Variants in RELL1 observed in about 807,000 individuals in gnomAD.
RELL1 encodes the protein RELT-like protein 1.
A neutral mutation model predicts 23.0 loss-of-function variants in RELL1; 10 were observed. The ratio of observed to expected loss-of-function variants is 0.43; its 90% CI spans 0.27 to 0.74. RELL1 has a LOEUF of 0.74. Ranked by LOEUF, RELL1 falls within the 30% of genes least tolerant of loss-of-function variation. The pLI is 0.19. For missense variants in RELL1, 315 were observed against 364.4 expected (o/e 0.86, Z 1.10); for synonymous variants, 146 against 146.8 (o/e 0.99, Z 0.04).
intron 6 of RELL1, among the ~76,000 whole-genome samples, chr4:37,601,042 G>A (rs1408730567): frequency 6.6e-6 from 1 of 152,152 alleles, no homozygotes; most frequent in African/African-American, 2.4e-5. Context: ...AACAAACAGA[G>A]GAAGAGACCA....
rs1261066740 is a variant in RELL1 at position 37,612,250 on chromosome 4, T to TTG, written c.*1094_*1095dup. ...TTGGCCTTGGGTTGTCCAAACAAAT[T>TTG]TGTGTGTGTGTGACTTTCAACCATT... On this transcript the variant is annotated 3_prime_UTR_variant, in exon 7 of 7. Transcript: ENST00000454158. 6.7e-6 allele frequency among the ~76,000 whole-genome samples: 1 copy of TTG among 149,070 alleles called. No individual in the cohort carries two copies. Among genetic ancestry groups the TTG allele is most frequent in the African/African-American group, 2.5e-5 (1 of 40,654 alleles).
chr4:37,656,412 G>A (rs912703609), intron 1 of RELL1, among the ~76,000 whole-genome samples: 2 of 152,146 alleles, frequency 1.3e-5, no homozygotes, highest in Admixed American at 6.5e-5. Context: ...TCAGTTACAC[G>A]AGATTAATAA....
At chr4:37,621,833 A>C (rs1719779287) in intron 6 of RELL1, among the ~76,000 whole-genome samples, 2 of 152,242 alleles carry the variant, frequency 1.3e-5, no homozygotes, top group Non-Finnish European at 1.5e-5. Context: ...AAGCAAAACA[A>C]ATCAAAAATT....
chr4:37,670,991 T>C (rs987997943), intron 1 of RELL1, among the ~76,000 whole-genome samples: 1 of 152,248 alleles, frequency 6.6e-6, no homozygotes, highest in Non-Finnish European at 1.5e-5. Flanking sequence ...TTTTTCCCAA[T>C]AGGAAAGACT....
intron 4 of RELL1, among the ~76,000 whole-genome samples, chr4:37,636,307 G>A (rs1720325812): frequency 6.6e-6 from 1 of 152,122 alleles, no homozygotes; most frequent in Non-Finnish European, 1.5e-5. Flanking sequence ...ATAAAAAGCA[G>A]AAATATGGCC....
At chr4:37,657,366 G>A (rs1424101907) in intron 1 of RELL1, among the ~76,000 whole-genome samples, 3 of 152,172 alleles carry the variant, frequency 2.0e-5, no homozygotes, top group Non-Finnish European at 4.4e-5. Context: ...TTCTGAGCAA[G>A]CAAGGAGGGT....
chr4:37,660,012 A>G (rs1042166273), intron 1 of RELL1, among the ~76,000 whole-genome samples: 7 of 152,194 alleles, frequency 4.6e-5, no homozygotes, highest in Non-Finnish European at 1.0e-4. Flanking sequence ...AACTTGGCTG[A>G]TAAGTGGATA....
intron 1 of RELL1, among the ~76,000 whole-genome samples, chr4:37,683,427 T>A (rs928729482): frequency 6.6e-6 from 1 of 152,212 alleles, no homozygotes; most frequent in African/African-American, 2.4e-5. Flanking sequence ...TTACTGGAAG[T>A]AAGTATTTCA....
chr4:37,639,432 TAA>T (rs1421495786), intron 3 of RELL1, among the ~76,000 whole-genome samples: 1 of 138,178 alleles, frequency 7.2e-6, no homozygotes, highest in African/African-American at 2.7e-5. Context: ...TCACAACATA[TAA>T]GTTATGTAAT....
intron 1 of RELL1, among the ~76,000 whole-genome samples, chr4:37,673,168 A>T (rs1721893561): frequency 1.5e-5 from 2 of 137,502 alleles, no homozygotes; most frequent in African/African-American, 5.5e-5. Flanking sequence ...AGCCATCAAG[A>T]CTATATACTT....
chr4:37,611,459 T>C lies in RELL1; in HGVS notation c.*1887A>G, dbSNP rs1358030148. 2.6e-5 allele frequency among the ~76,000 whole-genome samples: 4 copies of C among 152,244 alleles called. No homozygotes were observed. The highest frequency in any genetic ancestry group is 4.4e-5 in the Non-Finnish European group (3 of 68,046). On this transcript the variant is annotated 3_prime_UTR_variant, in exon 7 of 7. Transcript: ENST00000454158. ...AAAAGGTTAGAAATGTTTAGTTTGA[T>C]GCTGGAAATAAAATCATTGAAGTCT...
chr4:37,612,338 A>C lies in RELL1; in HGVS notation c.*1008T>G, dbSNP rs142716899. Among the ~76,000 whole-genome samples the C allele has an allele frequency of 4.4e-5, 2 of 45,644 alleles. No homozygotes were observed. The highest frequency in any genetic ancestry group is 7.3e-5 in the Non-Finnish European group (1 of 13,636). The allele number at this position is 45,644 out of a possible 152,430, so 29.9% of individuals were successfully genotyped here. ...GCTAAAGGTTAAAAAAAAAAAAAAA[A>C]CAAAAAAAAACAAAAAACCGGGTGC... On this transcript the variant is annotated 3_prime_UTR_variant, in exon 7 of 7. Transcript: ENST00000454158.
intron 6 of RELL1, among the ~76,000 whole-genome samples, chr4:37,596,736 ATTTTTTT>A (rs1178565372): frequency 3.0e-4 from 5 of 16,502 alleles, no homozygotes; most frequent in East Asian, 2.9e-3. Flanking sequence ...ATATATATAT[ATTTTTTT>A]TTTTTTTTTT....
intron 1 of RELL1, among the ~76,000 whole-genome samples, chr4:37,678,103 A>G (rs1291773454): frequency 6.6e-6 from 1 of 152,218 alleles, no homozygotes; most frequent in East Asian, 1.9e-4. Flanking sequence ...AGAAGCTTCC[A>G]GTCATGGCAG....
intron 1 of RELL1, among the ~76,000 whole-genome samples, chr4:37,684,771 G>A (rs553247968): frequency 1.2e-4 from 19 of 152,046 alleles, no homozygotes; most frequent in Middle Eastern, 3.4e-3. Context: ...TGGCCAATAT[G>A]GCAAAACCCC....
intron 3 of RELL1, among the ~76,000 whole-genome samples, chr4:37,639,387 A>C (rs919458976): frequency 6.6e-6 from 1 of 150,964 alleles, no homozygotes; most frequent in African/African-American, 2.4e-5. Context: ...CTGTCTCAAA[A>C]AAAAAAAAAA....
At chr4:37,624,619 CG>C (rs1438705880) in intron 6 of RELL1, among the ~76,000 whole-genome samples, 4 of 151,524 alleles carry the variant, frequency 2.6e-5, no homozygotes, top group East Asian at 1.9e-4. Context: ...TTAGTAGAGA[CG>C]GGGTTTCACT....
downstream of RELL1, among the ~76,000 whole-genome samples, chr4:37,610,389 C>A (rs1283305284): frequency 6.6e-6 from 1 of 152,044 alleles, no homozygotes; most frequent in Non-Finnish European, 1.5e-5. This position sits in a 1 kb window ranked among gnomAD's most constrained non-coding sequence, Gnocchi z 4.1. Context: ...GGCTTGATTG[C>A]AATATTTGCT....
chr4:37,631,088 G>A (rs778490593), intron 6 of RELL1, among the ~76,000 whole-genome samples: 1 of 152,202 alleles, frequency 6.6e-6, no homozygotes, highest in Non-Finnish European at 1.5e-5. Flanking sequence ...GGTGGGTGAT[G>A]TGAATTCTAG....
Sources: gnomAD v4.1 joint callset for allele counts (sites outside exome capture counted in the v4.1 genomes callset) on GRCh38, gnomAD v4.1.1 for gene constraint, Gnocchi (gnomAD v3.1) non-coding constraint, MANE v1.5 for transcripts, NCBI Gene and HGNC (gene_info 2026-07-23, HGNC 2026-07-21) for gene names.